Variants in PDE10A observed in about 807,000 individuals in gnomAD.
PDE10A encodes the protein cAMP and cAMP-inhibited cGMP 3',5'-cyclic phosphodiesterase 10A.
Under a neutral mutation model 97.7 loss-of-function variants are expected in PDE10A, and 39 were observed. The observed-to-expected ratio is 0.40, with a 90% CI of 0.31 to 0.52. The LOEUF is 0.52. Ranked by LOEUF, PDE10A falls within the 20% of genes least tolerant of loss-of-function variation. PDE10A has a pLI of 0.56. For missense variants in PDE10A, 731 were observed against 1,047.8 expected (o/e 0.70, Z 4.17); for synonymous variants, 371 against 376.8 (o/e 0.98, Z 0.18).
rs112239540 is a variant in PDE10A, at chr6:165,942,206, C to T, written c.-615+45323G>A. ...TGCCAACAGCCACGCTGAGCAGCCA[C>T]GCTGTAGTATATCATATGTGTGCTG... is the stretch of plus-strand genomic sequence containing the variant. On this transcript the variant is annotated intron_variant, in intron 1 of 19. Coordinates refer to the PDE10A transcript ENST00000366882. Among the ~76,000 whole-genome samples the T allele has an allele frequency of 6.4e-4, 98 of 152,178 alleles. 1 individual carries two copies. The highest frequency in any genetic ancestry group is 5.6e-3 in the East Asian group (29 of 5,178).
intron 1 of PDE10A, among the ~76,000 whole-genome samples, chr6:165,941,600 T>C (rs985242280): frequency 5.3e-5 from 8 of 152,042 alleles, no homozygotes; most frequent in African/African-American, 9.7e-5. Context: ...CTCACGAGAT[T>C]TGGTCACTTA....
At chr6:165,735,465 G>T (rs2128452119) in intron 1 of PDE10A, among the ~76,000 whole-genome samples, 1 of 152,136 alleles carries the variant, frequency 6.6e-6, no homozygotes, top group South Asian at 2.1e-4. Flanking sequence ...TAGGTAGGTG[G>T]GTAGGTAAGT....
chr6:165,758,602 A>G, intron 1 of PDE10A, among the ~76,000 whole-genome samples: 1 of 151,816 alleles, frequency 6.6e-6, no homozygotes, highest in South Asian at 2.1e-4. Context: ...AAGAGGCAGC[A>G]GCAGAAGAAG....
chr6:165,518,631 G>A (rs567002975), intron 2 of PDE10A, among the ~76,000 whole-genome samples: 4 of 152,270 alleles, frequency 2.6e-5, no homozygotes, highest in Admixed American at 6.5e-5. Flanking sequence ...CCAAGAGGCC[G>A]TAAAGCACTT....
chr6:165,724,363 G>A lies in PDE10A; in HGVS notation c.-614-180795C>T, dbSNP rs777155146. ...AGAAGAGGATCACAGATGTGAACGC[G>A]TGTTGAGAAAATTAGGAGAGCTATG... On this transcript the variant is annotated intron_variant, in intron 1 of 19. Coordinates refer to the PDE10A transcript ENST00000366882. Among the ~76,000 whole-genome samples, 23 of 152,238 alleles carry A rather than the reference G, an allele frequency of 1.5e-4. 1 individual carries two copies. The highest frequency in any genetic ancestry group is 3.4e-3 in the Middle Eastern group (1 of 294).
chr6:165,343,012 C>T (rs1386675918), intron 19 of PDE10A, among the ~76,000 whole-genome samples: 1 of 152,170 alleles, frequency 6.6e-6, no homozygotes, highest in Non-Finnish European at 1.5e-5. Context: ...TTTTTAACTG[C>T]AGGTGGATAT....
chr6:165,724,669 T>C (rs1202405715), intron 1 of PDE10A, among the ~76,000 whole-genome samples: 1 of 152,260 alleles, frequency 6.6e-6, no homozygotes, highest in African/African-American at 2.4e-5. Flanking sequence ...AATGGAAGTT[T>C]ACCCAAAGTT....
chr6:165,556,324 G>C (rs1784252379), intron 1 of PDE10A, among the ~76,000 whole-genome samples: 1 of 152,150 alleles, frequency 6.6e-6, no homozygotes, highest in Non-Finnish European at 1.5e-5. Context: ...AACAGTCAAT[G>C]AATCAAAACG....
chr6:165,428,023 G>A (rs1789288368), intron 10 of PDE10A, among the ~76,000 whole-genome samples: 1 of 151,970 alleles, frequency 6.6e-6, no homozygotes, highest in African/African-American at 2.4e-5. Flanking sequence ...AAACTTATCA[G>A]TATGCATCAT....
At chr6:165,936,407 G>A (rs1343759658) in intron 1 of PDE10A, among the ~76,000 whole-genome samples, 1 of 152,218 alleles carries the variant, frequency 6.6e-6, no homozygotes, top group Non-Finnish European at 1.5e-5. Flanking sequence ...TGCAGAGAGA[G>A]AGAAAGACAA....
intron 21 of PDE10A, among the ~76,000 whole-genome samples, chr6:165,334,340 GC>G (rs1781515542): frequency 6.8e-6 from 1 of 148,110 alleles, no homozygotes; most frequent in Admixed American, 6.7e-5. Context: ...CCTCCATAGC[GC>G]CCTACAGCGC....
chr6:165,586,332 TTAAG>T (rs1785909785), intron 1 of PDE10A, among the ~76,000 whole-genome samples: 1 of 152,202 alleles, frequency 6.6e-6, no homozygotes, highest in Non-Finnish European at 1.5e-5. Flanking sequence ...CATGTTTCCA[TTAAG>T]TTACTGCACA....
chr6:165,577,523 A>C (rs1785373246), intron 1 of PDE10A, among the ~76,000 whole-genome samples: 1 of 152,172 alleles, frequency 6.6e-6, no homozygotes, highest in South Asian at 2.1e-4. Context: ...CCCCAAGGGC[A>C]CAGGCGACCC....
At chr6:165,781,576 G>A (rs913961879) in intron 1 of PDE10A, 2 of 152,216 alleles carry the variant, frequency 1.3e-5, no homozygotes, top group African/African-American at 4.8e-5. Flanking sequence ...CATGGCAAAG[G>A]AGACTTTGCA....
chr6:165,749,781 A>C (rs920547487), intron 1 of PDE10A, among the ~76,000 whole-genome samples: 2 of 152,278 alleles, frequency 1.3e-5, no homozygotes, highest in African/African-American at 2.4e-5. Flanking sequence ...GATACTAAAT[A>C]GGCAAATCAA....
chr6:165,482,315 C>T lies in PDE10A; in HGVS notation c.1023G>A (p.Arg341=), dbSNP rs2128281155. 1 of 1,592,380 alleles carries T rather than the reference C, an allele frequency of 6.3e-7. No homozygotes were observed. The highest frequency in any genetic ancestry group is 1.3e-5 in the African/African-American group (1 of 74,412). The change falls in exon 3 of 22, where the codon AGG becomes AGA. Residue 341 remains arginine (R), a splice_region_variant and synonymous_variant. Coordinates refer to ENST00000539869, the MANE Select transcript of PDE10A (RefSeq NM_001385079.1). ...TAGAAATAATATTCACATCACTTAC[C>T]CTGCTGACTTCCTTAGGAGCTGATT... ...EDESAPKEVS[R]YQDTNMQGVV... is the part of the protein sequence containing the mutation.
At chr6:165,642,028 G>A (rs2128420477) in intron 1 of PDE10A, among the ~76,000 whole-genome samples, 1 of 152,262 alleles carries the variant, frequency 6.6e-6, no homozygotes, top group Admixed American at 6.5e-5. Flanking sequence ...GTGTGTGTGT[G>A]TGTGATGTGC....
At chr6:165,454,691 C>T (rs1261727379) in intron 3 of PDE10A, among the ~76,000 whole-genome samples, 2 of 152,040 alleles carry the variant, frequency 1.3e-5, no homozygotes, top group African/African-American at 4.8e-5. Context: ...TCTCTGTCTC[C>T]AGAACTGTAA....
intron 16 of PDE10A, among the ~76,000 whole-genome samples, chr6:165,389,991 C>A (rs997629841): frequency 6.6e-6 from 1 of 152,110 alleles, no homozygotes; most frequent in Non-Finnish European, 1.5e-5. Context: ...TCAGGTTATG[C>A]CAAACATTGC....
Sources: gnomAD v4.1 joint callset for allele counts (sites outside exome capture counted in the v4.1 genomes callset) on GRCh38, gnomAD v4.1.1 for gene constraint, MANE v1.5 for transcripts, NCBI Gene and HGNC (gene_info 2026-07-23, HGNC 2026-07-21) for gene names.